Variants in PCDH15 observed in about 807,000 individuals in gnomAD.
PCDH15 encodes protocadherin-15.
Under a neutral mutation model 178.5 loss-of-function variants are expected in PCDH15, and 129 were observed. The observed-to-expected ratio is 0.72, with a 90% CI of 0.63 to 0.84. PCDH15 has a LOEUF of 0.84. Ranked by LOEUF, PCDH15 falls within the 40% of genes least tolerant of loss-of-function variation. The pLI is 0.00. For synonymous variants in PCDH15, 800 were observed against 732.0 expected (o/e 1.09, Z -1.50); for missense variants, 2,230 against 2,099.9 (o/e 1.06, Z -1.21).
intron 8 of PCDH15, among the ~76,000 whole-genome samples, chr10:54,246,990 T>C (rs1401175531): frequency 6.6e-6 from 1 of 151,976 alleles, no homozygotes; most frequent in East Asian, 1.9e-4. Context: ...TTGAATTGTC[T>C]GTTTTCCTTA....
intron 1 of PCDH15, among the ~76,000 whole-genome samples, chr10:55,257,488 G>A (rs529775497): frequency 2.6e-5 from 4 of 152,144 alleles, no homozygotes; most frequent in South Asian, 2.1e-4. Flanking sequence ...AAAATTAGAC[G>A]AATGGCTAAC....
intron 18 of PCDH15, 124 bp from the exon 19 acceptor site, chr10:54,023,321 G>A (rs2092985457): frequency 1.2e-6 from 1 of 832,744 alleles, no homozygotes; most frequent in South Asian, 1.5e-5. Context: ...CTCTAAGGAG[G>A]AAATGACAAT....
chr10:54,919,447 G>A (rs1043867122), intron 2 of PCDH15, among the ~76,000 whole-genome samples: 1 of 151,998 alleles, frequency 6.6e-6, no homozygotes, highest in African/African-American at 2.4e-5. Context: ...TGTTCTTTAG[G>A]AACAATTTCA....
chr10:53,866,763 G>A lies in PCDH15; in HGVS notation c.3596C>T (p.Thr1199Ile), dbSNP rs794727445. ...KEGKEGFVVETYTGLIKTAML... is the reference protein window; with the variant it reads ...KEGKEGFVVEIYTGLIKTAML... ...AGCAGTTTTGATAAGCCCTGTATAT[G>A]TTTCCACTACAAATCCTTCTTTTCC... The change falls in exon 27 of 38, where the codon ACA (threonine) becomes ATA (isoleucine). Residue 1199 changes from threonine to isoleucine, a missense_variant. Thr to Ile is a moderately conservative substitution (Grantham distance 89, BLOSUM62 -1). Coordinates refer to ENST00000644397, the MANE Select transcript of PCDH15 (RefSeq NM_001384140.1). 6.2e-7 allele frequency: 1 copy of A among 1,612,894 alleles called. No individual in the cohort carries two copies. The highest frequency in any genetic ancestry group is 1.3e-5 in the African/African-American group (1 of 74,830).
At chr10:54,070,590 T>C (rs2135854458) in intron 17 of PCDH15, among the ~76,000 whole-genome samples, 1 of 152,220 alleles carries the variant, frequency 6.6e-6, no homozygotes, top group African/African-American at 2.4e-5. Context: ...TTTTTTATTT[T>C]CATTGTTGTT....
intron 2 of PCDH15, among the ~76,000 whole-genome samples, chr10:55,063,354 ATC>A: frequency 6.6e-6 from 1 of 152,096 alleles, no homozygotes; most frequent in South Asian, 2.1e-4. Context: ...AACATTCCTA[ATC>A]TCTCTATTTT....
chr10:53,940,671 A>G (rs2085979361), intron 24 of PCDH15, among the ~76,000 whole-genome samples, 195 bp downstream of exon 24: 1 of 152,202 alleles, frequency 6.6e-6, no homozygotes, highest in African/African-American at 2.4e-5. Context: ...ATATTTCTTA[A>G]GGGAAAAAAT....
intron 6 of PCDH15, among the ~76,000 whole-genome samples, chr10:54,336,874 A>C (rs1941274103): frequency 6.6e-6 from 1 of 152,164 alleles, no homozygotes; most frequent in Admixed American, 6.5e-5. Context: ...AAAGCAGCAG[A>C]CACTCAAGGC....
intron 13 of PCDH15, among the ~76,000 whole-genome samples, chr10:54,175,519 A>G (rs905700949): frequency 9.2e-5 from 14 of 152,214 alleles, no homozygotes; most frequent in African/African-American, 3.4e-4. Context: ...CACATGCAGC[A>G]TTTGCTAAGC....
At chr10:54,340,543 T>C (rs1942037629) in intron 6 of PCDH15, among the ~76,000 whole-genome samples, 1 of 152,056 alleles carries the variant, frequency 6.6e-6, no homozygotes, top group African/African-American at 2.4e-5. Flanking sequence ...GGAAAGAATG[T>C]GATTTAGGGG....
At chr10:54,643,080 G>A (rs985151363) in intron 2 of PCDH15, among the ~76,000 whole-genome samples, 3 of 151,974 alleles carry the variant, frequency 2.0e-5, no homozygotes, top group East Asian at 1.9e-4. Flanking sequence ...CTGCCAGCAC[G>A]CCCAGCTAAT....
intron 2 of PCDH15, among the ~76,000 whole-genome samples, chr10:54,977,633 C>A (rs2131900313): frequency 6.6e-6 from 1 of 152,280 alleles, no homozygotes; most frequent in East Asian, 1.9e-4. Context: ...GCCCAATAAG[C>A]AGCCCTTAGG....
At chr10:54,925,178 C>G (rs1837585621) in intron 2 of PCDH15, among the ~76,000 whole-genome samples, 1 of 152,142 alleles carries the variant, frequency 6.6e-6, no homozygotes, top group African/African-American at 2.4e-5. Context: ...CCATTTATCA[C>G]AGCATCATTT....
chr10:55,502,669 C>T (rs2132141247), intron 2 of PCDH15, among the ~76,000 whole-genome samples: 1 of 151,678 alleles, frequency 6.6e-6, no homozygotes, highest in Non-Finnish European at 1.5e-5. Flanking sequence ...GGACTCTATT[C>T]TAGGCTCTAA....
chr10:55,611,252 G>T (rs1843358870), intron 2 of PCDH15, among the ~76,000 whole-genome samples: 1 of 151,940 alleles, frequency 6.6e-6, no homozygotes, highest in Non-Finnish European at 1.5e-5. Flanking sequence ...GAAAATATTT[G>T]CAAATCATAG....
intron 3 of PCDH15, among the ~76,000 whole-genome samples, chr10:54,507,028 C>A (rs1263990742): frequency 6.6e-6 from 1 of 151,884 alleles, no homozygotes; most frequent in East Asian, 1.9e-4. Flanking sequence ...AATAACAACA[C>A]AATTCTAATT....
At chr10:54,733,318 T>C (rs1194969082) in intron 1 of PCDH15, among the ~76,000 whole-genome samples, 1 of 151,652 alleles carries the variant, frequency 6.6e-6, no homozygotes, top group Non-Finnish European at 1.5e-5. Flanking sequence ...ACTGCATCTC[T>C]GAATGTTAAC....
chr10:53,953,772 T>TA (rs1205262624), intron 23 of PCDH15, among the ~76,000 whole-genome samples: 1 of 152,000 alleles, frequency 6.6e-6, no homozygotes, highest in East Asian at 1.9e-4. Context: ...AAGAAGTAAT[T>TA]TTTTTGTTCT....
intron 2 of PCDH15, among the ~76,000 whole-genome samples, chr10:55,359,231 A>T (rs746999891): frequency 2.7e-5 from 4 of 150,918 alleles, no homozygotes; most frequent in South Asian, 2.1e-4. Flanking sequence ...TTTTTTTTTT[A>T]AATGGCACAA....
Sources: allele counts gnomAD v4.1 joint callset (sites outside exome capture counted in the v4.1 genomes callset), GRCh38; gene constraint gnomAD v4.1.1; transcripts MANE v1.5; gene names NCBI Gene and HGNC (gene_info 2026-07-23, HGNC 2026-07-21).